GFRA1: variants seen among roughly 807,000 people sequenced by gnomAD.
GFRA1 encodes GDNF family receptor alpha 1.
A neutral mutation model predicts 51.6 loss-of-function variants in GFRA1; 16 were observed. The ratio of observed to expected loss-of-function variants is 0.31; its 90% CI spans 0.21 to 0.47. The LOEUF is 0.47. Among genes scored for constraint, GFRA1 ranks in the 20% least tolerant of loss-of-function variants. The pLI is 1.00. For synonymous variants in GFRA1, 270 were observed against 241.3 expected (o/e 1.12, Z -1.10); for missense variants, 530 against 594.3 (o/e 0.89, Z 1.13).
intron 9 of GFRA1, among the ~76,000 whole-genome samples, chr10:116,080,687 A>G (rs775729242): frequency 1.9e-4 from 29 of 152,036 alleles, no homozygotes; most frequent in Non-Finnish European, 1.5e-4. Flanking sequence ...AATTCTTTGG[A>G]TCACACCTGA....
At chr10:116,175,502 T>G (rs1565628668) in intron 5 of GFRA1, among the ~76,000 whole-genome samples, 1 of 152,212 alleles carries the variant, frequency 6.6e-6, no homozygotes, top group Non-Finnish European at 1.5e-5. Context: ...TTAATGTTAG[T>G]TGATTTTATG....
At chr10:116,245,640 G>A (rs1025570781) in intron 4 of GFRA1, among the ~76,000 whole-genome samples, 2 of 152,176 alleles carry the variant, frequency 1.3e-5, no homozygotes, top group African/African-American at 4.8e-5. Flanking sequence ...AATGTTTATA[G>A]CTTTATTCAT....
chr10:116,075,087 T>A (rs1955557796), intron 9 of GFRA1, among the ~76,000 whole-genome samples: 1 of 152,210 alleles, frequency 6.6e-6, no homozygotes, highest in East Asian at 1.9e-4. Context: ...GTCCTTCTGA[T>A]GGGCTGGCCT....
intron 4 of GFRA1, among the ~76,000 whole-genome samples, chr10:116,251,221 C>G (rs1309094426): frequency 1.3e-5 from 2 of 152,198 alleles, no homozygotes; most frequent in Admixed American, 6.5e-5. Flanking sequence ...CCCTAGGACC[C>G]TAGCACAATG....
intron 5 of GFRA1, 49 bp downstream of exon 5, chr10:116,211,582 C>G: frequency 6.6e-7 from 1 of 1,512,086 alleles, no homozygotes; most frequent in Non-Finnish European, 9.0e-7. Flanking sequence ...ACCCATGTTC[C>G]CCAAAGAGCA....
intron 5 of GFRA1, among the ~76,000 whole-genome samples, chr10:116,195,996 C>A (rs1221211932): frequency 6.6e-6 from 1 of 152,094 alleles, no homozygotes; most frequent in Non-Finnish European, 1.5e-5. Context: ...AGGTTCAATA[C>A]ACCTGATTCA....
chr10:116,125,485 T>C lies in GFRA1; in HGVS notation c.506A>G (p.Lys169Arg). 1 of 1,614,184 alleles carries C rather than the reference T, an allele frequency of 6.2e-7. No individual in the cohort carries two copies. Residue 169 changes from lysine to arginine, a missense_variant, in exon 6 of 11, where the codon AAG becomes AGG. Lys to Arg is a conservative substitution (Grantham distance 26, BLOSUM62 2). Transcript: ENST00000355422. The stretch of plus-strand genomic sequence containing the variant: ...CGGGGTGATGTACGCCGACCTGTAC[T>C]TCTTGCAAATGTCGTCGAGGTTGCA... ...KACNLDDICK[K>R]YRSAYITPCT...
At chr10:116,147,454 T>A (rs1958855135) in intron 5 of GFRA1, among the ~76,000 whole-genome samples, 1 of 152,088 alleles carries the variant, frequency 6.6e-6, no homozygotes, top group Non-Finnish European at 1.5e-5. Flanking sequence ...GAGTCCTTTT[T>A]TTTTCCTGGA....
intron 5 of GFRA1, among the ~76,000 whole-genome samples, chr10:116,164,196 T>C (rs1233345122): frequency 6.6e-6 from 1 of 152,140 alleles, no homozygotes; most frequent in African/African-American, 2.4e-5. Context: ...ATGGCCTTCA[T>C]ACCCGAACTC....
rs1177060625 is a variant in GFRA1 at position 116,060,207 on chromosome 10, A to G, written c.*4191T>C. 6.6e-6 allele frequency: 1 copy of G among 152,248 alleles called. No homozygotes were observed. Among genetic ancestry groups the G allele is most frequent in the Admixed American group, 6.5e-5 (1 of 15,282 alleles). The allele number at this position is 152,248 out of a possible 1,614,324, so 9.4% of individuals were successfully genotyped here. A position where few individuals can be genotyped will look rare whatever the true frequency, so the allele number is the denominator to read the frequency against. On this transcript the variant is annotated 3_prime_UTR_variant, in exon 11 of 11. Coordinates refer to ENST00000355422, the MANE Select transcript of GFRA1 (RefSeq NM_005264.8). ...TAAAACAAATGGTCACTTGAGAAGC[A>G]GAGCCGTGTCAAAGCCAAGAGGTGT...
chr10:116,057,389 T>TA lies in GFRA1; in HGVS notation c.*7008dup, dbSNP rs1204824981. The TA allele has an allele frequency of 6.6e-6, 1 of 152,078 alleles. No individual in the cohort carries two copies. The highest frequency in any genetic ancestry group is 1.9e-4 in the East Asian group (1 of 5,182). The allele number at this position is 152,078 out of a possible 1,614,324, so 9.4% of individuals were successfully genotyped here. A position where few individuals can be genotyped will look rare whatever the true frequency, so the allele number is the denominator to read the frequency against. On this transcript the variant is annotated 3_prime_UTR_variant, in exon 11 of 11. Coordinates refer to ENST00000355422, the MANE Select transcript of GFRA1 (RefSeq NM_005264.8). ...TCAGGAATGAATTCTAAAAATACCC[T>TA]AAAAATCAGAAGCCGCCTTCTACTC...
intron 9 of GFRA1, among the ~76,000 whole-genome samples, chr10:116,070,849 G>T (rs1033370115): frequency 1.4e-5 from 2 of 145,082 alleles, no homozygotes; most frequent in Non-Finnish European, 1.5e-5. Context: ...CTGGTCCCAA[G>T]CAGTTGGCCA....
intron 5 of GFRA1, among the ~76,000 whole-genome samples, chr10:116,193,039 C>A (rs78356992): frequency 0.014 from 2,154 of 152,250 alleles, 62 homozygotes; most frequent in African/African-American, 0.049. Flanking sequence ...ACCCCTCCAA[C>A]AAACAACTGT....
intron 5 of GFRA1, among the ~76,000 whole-genome samples, chr10:116,177,176 C>T (rs1170775839): frequency 6.6e-6 from 1 of 152,066 alleles, no homozygotes; most frequent in Non-Finnish European, 1.5e-5. Flanking sequence ...AATGCAGGCT[C>T]CCTACTCAGA....
At chr10:116,163,726 G>A (rs184003753) in intron 5 of GFRA1, among the ~76,000 whole-genome samples, 65 of 152,172 alleles carry the variant, frequency 4.3e-4, no homozygotes, top group African/African-American at 1.1e-3. Context: ...GAATGCACAC[G>A]GTAAGTTTGT....
chr10:116,147,065 T>A (rs1958833099), intron 5 of GFRA1, among the ~76,000 whole-genome samples: 1 of 152,032 alleles, frequency 6.6e-6, no homozygotes, highest in Non-Finnish European at 1.5e-5. Context: ...AGAGATCAGA[T>A]GCAAATATGT....
chr10:116,088,439 G>A (rs570809264), intron 9 of GFRA1, among the ~76,000 whole-genome samples: 6 of 152,234 alleles, frequency 3.9e-5, no homozygotes, highest in African/African-American at 1.2e-4. Context: ...CAAAATACAG[G>A]AAAAATCACA....
intron 9 of GFRA1, among the ~76,000 whole-genome samples, chr10:116,078,162 C>T (rs1182217668): frequency 6.6e-6 from 1 of 152,194 alleles, no homozygotes; most frequent in African/African-American, 2.4e-5. Flanking sequence ...GAGTTGAATA[C>T]ACAATTGAAA....
In GFRA1 at chr10:116,092,100, C is replaced by T. The variant is rs1305679459; in HGVS notation, c.1015+1602G>A. Among the ~76,000 whole-genome samples, 690 of 87,976 alleles carry T rather than the reference C, an allele frequency of 7.8e-3. 2 individuals carry two copies. Among genetic ancestry groups the T allele is most frequent in the Non-Finnish European group, 0.011 (517 of 46,048 alleles). 57.7% of individuals were successfully genotyped at this position (87,976 alleles called of 152,430 possible). On this transcript the variant is annotated intron_variant, in intron 8 of 10. Coordinates refer to ENST00000355422, the MANE Select transcript of GFRA1 (RefSeq NM_005264.8). ...GAGGAAATATACATACATACGTACA[C>T]ACACACACACACACACACACACACA...
Sources: gnomAD v4.1 joint callset for allele counts (sites outside exome capture counted in the v4.1 genomes callset) on GRCh38, gnomAD v4.1.1 for gene constraint, MANE v1.5 for transcripts, NCBI Gene and HGNC (gene_info 2026-07-23, HGNC 2026-07-21) for gene names.